ZNF354C: variants seen among roughly 807,000 people sequenced by gnomAD.
ZNF354C encodes zinc finger protein 354C.
A neutral mutation model predicts 12.4 loss-of-function variants in ZNF354C; 7 were observed. The ratio of observed to expected loss-of-function variants is 0.56; its 90% CI spans 0.32 to 1.06. The LOEUF (loss-of-function observed/expected upper bound fraction) is 1.06. ZNF354C is among the 50% of genes least tolerant of loss of function. The probability of loss-of-function intolerance (pLI) is 0.04; values close to 1 mark genes in which losing one functional copy is unlikely to be tolerated. For synonymous variants in ZNF354C, 202 were observed against 224.5 expected (o/e 0.90, Z 0.90); for missense variants, 609 against 658.0 (o/e 0.93, Z 0.81).
At position 179,080,040 on chromosome 5, in the gene ZNF354C, C is replaced by G; in HGVS notation, c.1608C>G (p.Ser536Arg). The G allele has an allele frequency of 6.2e-7, 1 of 1,609,438 alleles. No homozygotes were observed. The highest frequency in any genetic ancestry group is 8.5e-7 in the Non-Finnish European group (1 of 1,178,428). Reference sequence around the variant, plus strand: ...AATATGGGAAACCTTTCATCTGCAGCTCCTCACTTACCCAGTATCAGAGAT... The same window carrying G: ...AATATGGGAAACCTTTCATCTGCAGGTCCTCACTTACCCAGTATCAGAGAT... ...WKEYGKPFICSSSLTQYQRFF... is the reference protein window; with the variant it reads ...WKEYGKPFICRSSLTQYQRFF... Residue 536 changes from serine (S) to arginine (R), a missense_variant, in exon 5 of 5, where the codon AGC becomes AGG. Physicochemically the swap from Ser to Arg is moderately radical, Grantham distance 110. Coordinates refer to ENST00000315475, the MANE Select transcript of ZNF354C (RefSeq NM_014594.3).
chr5:179,079,590 C>T lies in ZNF354C; in HGVS notation c.1158C>T (p.Cys386=), dbSNP rs1762191929. 4 of 1,614,074 alleles carry T rather than the reference C, an allele frequency of 2.5e-6. No individual in the cohort carries two copies. Among genetic ancestry groups the T allele is most frequent in the Non-Finnish European group, 2.5e-6 (3 of 1,180,028 alleles). ...RFHTGEQLYT[C]LECGRTFTRI... ...ATACTGGAGAACAACTGTATACATGCTTGGAATGTGGGAGAACCTTCACAC... is the reference window on the plus strand; with the variant it reads ...ATACTGGAGAACAACTGTATACATGTTTGGAATGTGGGAGAACCTTCACAC... Residue 386 remains cysteine, a synonymous_variant, in exon 5 of 5, where the codon TGC becomes TGT. Transcript: ENST00000315475. The surrounding 1 kb of genome is among the most constrained non-coding windows in gnomAD (Gnocchi z 4.2).
intron 2 of ZNF354C, among the ~76,000 whole-genome samples, chr5:179,064,608 G>T (rs1761937528): frequency 6.6e-6 from 1 of 151,020 alleles, no homozygotes; most frequent in African/African-American, 2.4e-5. Context: ...TAGAGACGGG[G>T]TTTCACCATG....
chr5:179,067,143 C>G (rs1256286088), intron 2 of ZNF354C, among the ~76,000 whole-genome samples: 2 of 152,184 alleles, frequency 1.3e-5, no homozygotes, highest in South Asian at 2.1e-4. Flanking sequence ...GCTTACCACA[C>G]AAAGTCGGGT....
At position 179,079,330 on chromosome 5, in the gene ZNF354C, T is replaced by TATC; in HGVS notation, c.899_901dup (p.Tyr300_Arg301insHis). 2 of 1,614,142 alleles carry TATC rather than the reference T, an allele frequency of 1.2e-6. No individual in the cohort carries two copies. The highest frequency in any genetic ancestry group is 2.2e-5 in the East Asian group (1 of 44,882). On this transcript the variant is annotated inframe_insertion, in exon 5 of 5. Coordinates refer to ENST00000315475, the MANE Select transcript of ZNF354C (RefSeq NM_014594.3). The surrounding 1 kb of genome is among the most constrained non-coding windows in gnomAD (Gnocchi z 4.2). The stretch of plus-strand genomic sequence containing the variant: ...GAGAGTGCATACTGGAGAGAAACCG[T>TATC]ATCGATGTAGGGAATGTGGTAAAGC...
At chr5:179,069,906 A>G (rs868790081) in intron 2 of ZNF354C, among the ~76,000 whole-genome samples, 1 of 152,156 alleles carries the variant, frequency 6.6e-6, no homozygotes, top group South Asian at 2.1e-4. Context: ...TTACTTTTCT[A>G]GCTTTAATTA....
chr5:179,063,531 G>T (rs1364830982), intron 2 of ZNF354C, among the ~76,000 whole-genome samples: 1 of 152,218 alleles, frequency 6.6e-6, no homozygotes, highest in Non-Finnish European at 1.5e-5. Context: ...CTGCACTCCA[G>T]CCTGGGCACG....
chr5:179,078,235 T>G (rs1762156486), intron 4 of ZNF354C, among the ~76,000 whole-genome samples: 1 of 152,086 alleles, frequency 6.6e-6, no homozygotes, highest in African/African-American at 2.4e-5. Context: ...AGAGAGAGCA[T>G]GGGGAGAAAA....
chr5:179,069,826 C>T (rs535174676), intron 2 of ZNF354C, among the ~76,000 whole-genome samples: 1 of 144,340 alleles, frequency 6.9e-6, no homozygotes, highest in East Asian at 2.1e-4. Context: ...AGATTGCGCC[C>T]CTGCACTCCA....
At chr5:179,076,950 G>A (rs1762131675) in intron 3 of ZNF354C, 121 bp from the exon 4 acceptor site, 7 of 836,932 alleles carry the variant, frequency 8.4e-6, no homozygotes, top group Non-Finnish European at 1.4e-5. Context: ...TGCTTGTGCT[G>A]CCTTGTCTGC....
chr5:179,083,053 G>T lies in ZNF354C; in HGVS notation c.*2956G>T. On this transcript the variant is annotated 3_prime_UTR_variant, in exon 5 of 5. Transcript: ENST00000315475. ...ACACATTCCACTGGCCCTACGCAGGGGTGTGATGTTGTAAGCCATAGTTTG... is the reference window on the plus strand; with the variant it reads ...ACACATTCCACTGGCCCTACGCAGGTGTGTGATGTTGTAAGCCATAGTTTG... 2 of 764,840 alleles carry T rather than the reference G, an allele frequency of 2.6e-6. No individual in the cohort carries two copies. The highest frequency in any genetic ancestry group is 2.5e-5 in the East Asian group (1 of 39,948). 47.4% of individuals were successfully genotyped at this position (764,840 alleles called of 1,614,324 possible).
At position 179,079,174 on chromosome 5, in the gene ZNF354C, G is replaced by A; in HGVS notation, c.742G>A (p.Glu248Lys). ...HTGEKPYKCN[E>K]CEKTFSHRSS... ...AGGTGAGAAACCCTACAAATGTAATGAGTGTGAAAAAACCTTCAGCCACAG... is the reference window on the plus strand; with the variant it reads ...AGGTGAGAAACCCTACAAATGTAATAAGTGTGAAAAAACCTTCAGCCACAG... The change falls in exon 5 of 5, where the codon GAG becomes AAG. Residue 248 changes from glutamate to lysine, a missense_variant. Glu to Lys is a moderately conservative substitution (Grantham distance 56, BLOSUM62 1). Coordinates refer to ENST00000315475, the MANE Select transcript of ZNF354C (RefSeq NM_014594.3). The surrounding 1 kb of genome is among the most constrained non-coding windows in gnomAD (Gnocchi z 4.2). 6.2e-7 allele frequency: 1 copy of A among 1,613,832 alleles called. No homozygotes were observed.
chr5:179,061,185 G>T (rs1761886064), intron 1 of ZNF354C, among the ~76,000 whole-genome samples: 1 of 152,234 alleles, frequency 6.6e-6, no homozygotes, highest in Admixed American at 6.5e-5. Context: ...CCCCAGGTTG[G>T]CTCCATGCTA....
chr5:179,070,912 G>T (rs891924186), intron 2 of ZNF354C, among the ~76,000 whole-genome samples: 17 of 140,960 alleles, frequency 1.2e-4, no homozygotes, highest in African/African-American at 4.5e-4. Flanking sequence ...GTAGTGGTGC[G>T]ATCTCGGCTC....
chr5:179,076,734 A>G (rs1351437503), intron 3 of ZNF354C, among the ~76,000 whole-genome samples, 163 bp downstream of exon 3: 1 of 152,238 alleles, frequency 6.6e-6, no homozygotes, highest in African/African-American at 2.4e-5. Context: ...CCTTCTTGCT[A>G]TCTGTTTCTC....
At chr5:179,071,055 G>A (rs1462710923) in intron 2 of ZNF354C, among the ~76,000 whole-genome samples, 1 of 151,802 alleles carries the variant, frequency 6.6e-6, no homozygotes, top group Admixed American at 6.6e-5. Flanking sequence ...ATTTCACTGT[G>A]TTACCCAGGA....
Position 179,078,727 on chromosome 5 carries a change from G to A in ZNF354C, c.295G>A (p.Asp99Asn). Reference protein sequence around the residue: ...LETEALPHRQDIFIEETSQGM... With the variant: ...LETEALPHRQNIFIEETSQGM... ...AACAGAAGCATTGCCTCATAGACAG[G>A]ACATTTTTATAGAAGAAACATCTCA... Residue 99 changes from aspartate (D) to asparagine (N), a missense_variant, in exon 5 of 5, where the codon GAC becomes AAC. Physicochemically the swap from Asp to Asn is conservative, Grantham distance 23 (BLOSUM62 1). Coordinates refer to ENST00000315475, the MANE Select transcript of ZNF354C (RefSeq NM_014594.3). 1.2e-6 allele frequency: 2 copies of A among 1,611,604 alleles called. No homozygotes were observed. Among genetic ancestry groups the A allele is most frequent in the Non-Finnish European group, 1.7e-6 (2 of 1,179,404 alleles).
At chr5:179,070,435 G>C (rs1280190503) in intron 2 of ZNF354C, among the ~76,000 whole-genome samples, 2 of 152,158 alleles carry the variant, frequency 1.3e-5, no homozygotes. Flanking sequence ...TAGCTGTCTT[G>C]TGCTGGTGAG....
chr5:179,078,092 C>T (rs577144887), intron 4 of ZNF354C, among the ~76,000 whole-genome samples: 7 of 152,286 alleles, frequency 4.6e-5, no homozygotes, highest in South Asian at 2.1e-4. Context: ...TGAGCCACCG[C>T]GCCCGGCCTG....
rs757994833 is a variant in ZNF354C, at chr5:179,079,684, G to A, written c.1252G>A (p.Glu418Lys). 1 of 1,614,072 alleles carries A rather than the reference G, an allele frequency of 6.2e-7. No individual in the cohort carries two copies. The highest frequency in any genetic ancestry group is 1.3e-5 in the African/African-American group (1 of 74,934). ...AAAACCTTATCAGTGCAACGAATGT[G>A]AGAAAGCCTTCAACCAGTATTCATC... is the stretch of plus-strand genomic sequence containing the variant. ...GQKPYQCNECEKAFNQYSSFN... is the reference protein window; with the variant it reads ...GQKPYQCNECKKAFNQYSSFN... Residue 418 changes from glutamate to lysine, a missense_variant, in exon 5 of 5, where the codon GAG becomes AAG. By Grantham distance (56) the Glu-to-Lys change is moderately conservative. Coordinates refer to ENST00000315475, the MANE Select transcript of ZNF354C (RefSeq NM_014594.3). This position sits in a 1 kb window ranked among gnomAD's most constrained non-coding sequence, Gnocchi z 4.2.
Sources: gnomAD v4.1 joint callset for allele counts (sites outside exome capture counted in the v4.1 genomes callset) on GRCh38, gnomAD v4.1.1 for gene constraint, Gnocchi (gnomAD v3.1) non-coding constraint, MANE v1.5 for transcripts, NCBI Gene and HGNC (gene_info 2026-07-23, HGNC 2026-07-21) for gene names.